Variants in EPHA5 observed in about 807,000 individuals in gnomAD.
The protein encoded by EPHA5 is EPH receptor A5, also known as ephrin type-A receptor 5.
EPHA5 carries 60 observed loss-of-function variants against 105.0 expected under a neutral mutation model. The ratio of observed to expected loss-of-function variants is 0.57; its 90% CI spans 0.46 to 0.71. EPHA5 has a LOEUF of 0.71. EPHA5 is among the 30% of genes least tolerant of loss of function. EPHA5 has a pLI of 0.00. For missense variants in EPHA5, 1,218 were observed against 1,274.7 expected (o/e 0.96, Z 0.68); for synonymous variants, 513 against 449.1 (o/e 1.14, Z -1.80).
intron 5 of EPHA5, among the ~76,000 whole-genome samples, chr4:65,482,333 A>G (rs1730456501): frequency 6.6e-6 from 1 of 152,030 alleles, no homozygotes; most frequent in South Asian, 2.1e-4. Context: ...CCACTGATTA[A>G]ATTTTCAGAA....
chr4:65,584,867 T>C (rs1056550904), intron 3 of EPHA5, among the ~76,000 whole-genome samples: 5 of 151,990 alleles, frequency 3.3e-5, no homozygotes, highest in African/African-American at 4.8e-5. Flanking sequence ...CATATAATTA[T>C]TACATATACA....
At chr4:65,393,397 T>G (rs567441053) in intron 8 of EPHA5, among the ~76,000 whole-genome samples, 17 of 152,242 alleles carry the variant, frequency 1.1e-4, no homozygotes, top group African/African-American at 4.1e-4. Flanking sequence ...GCTCTGAGAG[T>G]GAAGGGTGAG....
intron 7 of EPHA5, among the ~76,000 whole-genome samples, 158 bp downstream of exon 7, chr4:65,414,126 T>C (rs1473705880): frequency 6.6e-6 from 1 of 152,104 alleles, no homozygotes; most frequent in Non-Finnish European, 1.5e-5. Context: ...CGACCTACCA[T>C]AATAGCATGA....
At chr4:65,485,907 A>G (rs187547314) in intron 5 of EPHA5, among the ~76,000 whole-genome samples, 1 of 152,230 alleles carries the variant, frequency 6.6e-6, no homozygotes, top group African/African-American at 2.4e-5. Flanking sequence ...AATTGCAGGG[A>G]GGGACTCTCA....
At chr4:65,507,597 G>A (rs913575507) in intron 3 of EPHA5, among the ~76,000 whole-genome samples, 1 of 152,052 alleles carries the variant, frequency 6.6e-6, no homozygotes, top group African/African-American at 2.4e-5. Flanking sequence ...CTTGTAAGTT[G>A]GATTCCTAGG....
chr4:65,345,104 T>A (rs962133395), intron 14 of EPHA5, among the ~76,000 whole-genome samples: 1 of 152,160 alleles, frequency 6.6e-6, no homozygotes, highest in East Asian at 1.9e-4. Flanking sequence ...TAAATATAAG[T>A]ATAAATATAT....
chr4:65,420,414 G>A (rs2149036273), intron 6 of EPHA5, 27 bp downstream of exon 6: 1 of 1,528,314 alleles, frequency 6.5e-7, no homozygotes, highest in Admixed American at 2.3e-5. Context: ...AAGAAAGTGA[G>A]GACATTTTTT....
At chr4:65,558,797 A>G (rs771178637) in intron 3 of EPHA5, among the ~76,000 whole-genome samples, 1 of 152,132 alleles carries the variant, frequency 6.6e-6, no homozygotes, top group Non-Finnish European at 1.5e-5. Flanking sequence ...TGAAATTTAA[A>G]TCCAGGTTTT....
At chr4:65,361,752 C>T (rs990796548) in intron 11 of EPHA5, among the ~76,000 whole-genome samples, 4 of 151,646 alleles carry the variant, frequency 2.6e-5, no homozygotes, top group African/African-American at 2.4e-5. Context: ...TCTTCTAATG[C>T]TTCTGTAGTG....
At chr4:65,473,490 A>G (rs1729490809) in intron 5 of EPHA5, among the ~76,000 whole-genome samples, 2 of 152,208 alleles carry the variant, frequency 1.3e-5, no homozygotes, top group South Asian at 4.1e-4. Context: ...GCAGAAGAAG[A>G]AACAGACACA....
chr4:65,522,201 A>G (rs1405136109), intron 3 of EPHA5, among the ~76,000 whole-genome samples: 1 of 151,540 alleles, frequency 6.6e-6, no homozygotes, highest in African/African-American at 2.4e-5. Context: ...TTTGTGTCCT[A>G]ATTCCTTAAG....
intron 3 of EPHA5, among the ~76,000 whole-genome samples, chr4:65,554,966 AC>A (rs1560690144): frequency 1.1e-5 from 1 of 91,326 alleles, no homozygotes; most frequent in Non-Finnish European, 2.3e-5. Context: ...TTATCACTTC[AC>A]CCCTATACAA....
At chr4:65,656,311 A>C (rs1419851008) in intron 1 of EPHA5, among the ~76,000 whole-genome samples, 1 of 151,638 alleles carries the variant, frequency 6.6e-6, no homozygotes, top group African/African-American at 2.4e-5. Context: ...TTGGAAAAAA[A>C]AAATGTCAGT....
chr4:65,335,336 A>G (rs115097413), intron 15 of EPHA5, among the ~76,000 whole-genome samples: 3 of 152,050 alleles, frequency 2.0e-5, no homozygotes, highest in African/African-American at 4.8e-5. Context: ...TGCTATTCAG[A>G]AAAGTAAAAA....
At chr4:65,454,249 C>G (rs543428719) in intron 5 of EPHA5, among the ~76,000 whole-genome samples, 212 of 152,064 alleles carry the variant, frequency 1.4e-3, no homozygotes, top group African/African-American at 4.9e-3. Context: ...CATTGCACTC[C>G]AGCCTGGGCG....
At chr4:65,597,205 A>C (rs1215923999) in intron 3 of EPHA5, among the ~76,000 whole-genome samples, 1 of 152,158 alleles carries the variant, frequency 6.6e-6, no homozygotes, top group Non-Finnish European at 1.5e-5. Flanking sequence ...CCCACAATCT[A>C]AATCTCTTTC....
intron 1 of EPHA5, among the ~76,000 whole-genome samples, chr4:65,663,774 G>A (rs75205100): frequency 0.036 from 5,423 of 151,914 alleles, 319 homozygotes; most frequent in African/African-American, 0.12. Flanking sequence ...TAATTGCAAT[G>A]AATAAAACTT....
chr4:65,357,366 G>A (rs1304133544), intron 11 of EPHA5, among the ~76,000 whole-genome samples: 1 of 151,308 alleles, frequency 6.6e-6, no homozygotes, highest in Non-Finnish European at 1.5e-5. Context: ...CTCCCATACT[G>A]AGATGTCTAC....
At chr4:65,341,583 A>G (rs1387336292) in intron 14 of EPHA5, among the ~76,000 whole-genome samples, 1 of 149,920 alleles carries the variant, frequency 6.7e-6, no homozygotes, top group Non-Finnish European at 1.5e-5. Context: ...TATATATTAT[A>G]TTTATATAAA....
Sources: allele counts gnomAD v4.1 joint callset (sites outside exome capture counted in the v4.1 genomes callset), GRCh38; gene constraint gnomAD v4.1.1; transcripts MANE v1.5; gene names NCBI Gene and HGNC (gene_info 2026-07-23, HGNC 2026-07-21).